The following NIBAN2 variants were observed in gnomAD, a reference collection of about 807,000 sequenced individuals.
The protein encoded by NIBAN2 is protein Niban 2.
NIBAN2 carries 36 observed loss-of-function variants against 81.8 expected under a neutral mutation model. The ratio of observed to expected loss-of-function variants is 0.44; its 90% CI spans 0.34 to 0.58. The LOEUF (loss-of-function observed/expected upper bound fraction) is 0.58, where lower values mean the gene tolerates loss of function less well. NIBAN2 is among the 20% of genes least tolerant of loss of function. The probability of loss-of-function intolerance (pLI) is 0.02; values close to 1 mark genes in which losing one functional copy is unlikely to be tolerated. For missense variants in NIBAN2, 897 were observed against 1,014.1 expected, an observed-to-expected ratio of 0.88 and a Z score of 1.57; for synonymous variants, 445 against 441.6, an observed-to-expected ratio of 1.01 and a Z score of -0.10.
In NIBAN2 at chr9:127,506,523, G is replaced by A. The variant is rs916002355; in HGVS notation, c.*322C>T. The stretch of plus-strand genomic sequence containing the variant: ...CTCCAGGAAGGATGGCAGCACCCAT[G>A]AGGGGATGGAGGCCACAGAAGGACA... On this transcript the variant is annotated 3_prime_UTR_variant, in exon 14 of 14. Coordinates refer to ENST00000373312, the MANE Select transcript of NIBAN2 (RefSeq NM_022833.4). The A allele has an allele frequency of 1.2e-5, 3 of 260,070 alleles. No individual in the cohort carries two copies. The highest frequency in any genetic ancestry group is 6.6e-5 in the African/African-American group (3 of 45,124). The allele number at this position is 260,070 out of a possible 1,614,324, so 16.1% of individuals were successfully genotyped here. A position where few individuals can be genotyped will look rare whatever the true frequency, so the allele number is the denominator to read the frequency against.
chr9:127,560,402 C>A (rs1837752556), intron 1 of NIBAN2, among the ~76,000 whole-genome samples: 1 of 152,098 alleles, frequency 6.6e-6, no homozygotes. Flanking sequence ...TCCTCCCATC[C>A]ACACTCACTC....
chr9:127,518,435 T>C (rs1442315586), intron 5 of NIBAN2, among the ~76,000 whole-genome samples: 1 of 152,180 alleles, frequency 6.6e-6, no homozygotes, highest in Non-Finnish European at 1.5e-5. Context: ...AAACTTTGCC[T>C]GGAACAGGCT....
In NIBAN2 at chr9:127,545,748, C is replaced by A. The variant is rs1214529757; in HGVS notation, c.56-13970G>T. On this transcript the variant is annotated intron_variant, in intron 1 of 13. Coordinates refer to ENST00000373312, the MANE Select transcript of NIBAN2 (RefSeq NM_022833.4). The surrounding 1 kb of genome is among the most constrained non-coding windows in gnomAD (Gnocchi z 4.7). The stretch of plus-strand genomic sequence containing the variant: ...GCCCAGAGAAATGCACCCAAAAAAA[C>A]GGGTGACCCAAAACCCGCCCACTGG... 6.6e-6 allele frequency among the ~76,000 whole-genome samples: 1 copy of A among 152,206 alleles called. No individual in the cohort carries two copies. The highest frequency in any genetic ancestry group is 2.4e-5 in the African/African-American group (1 of 41,450).
At chr9:127,512,964 AC>A (rs1180287426) in intron 8 of NIBAN2, among the ~76,000 whole-genome samples, 1 of 152,200 alleles carries the variant, frequency 6.6e-6, no homozygotes, top group African/African-American at 2.4e-5. Flanking sequence ...TTTGGAAGCA[AC>A]CTAAGTGTCC....
intron 1 of NIBAN2, among the ~76,000 whole-genome samples, chr9:127,535,321 T>C (rs1179674067): frequency 6.6e-6 from 1 of 152,186 alleles, no homozygotes; most frequent in African/African-American, 2.4e-5. Flanking sequence ...CCAGATATGG[T>C]GTCCAGGCAG....
chr9:127,560,549 C>T (rs1837755263), intron 1 of NIBAN2, among the ~76,000 whole-genome samples: 1 of 152,280 alleles, frequency 6.6e-6, no homozygotes, highest in South Asian at 2.1e-4. Context: ...TCCCAGCAGG[C>T]TGGCCCACCC....
In NIBAN2 at chr9:127,509,136, A is replaced by AGGGGCC. The variant is rs1564293791; in HGVS notation, c.1162-11_1162-6dup. On this transcript the variant is annotated splice_region_variant and splice_polypyrimidine_tract_variant and intron_variant, in intron 9 of 13. Coordinates refer to ENST00000373312, the MANE Select transcript of NIBAN2 (RefSeq NM_022833.4). ...CCGGGACAGCTTCTCCATGTACTGC[A>AGGGGCC]GGGGCCGGGGCCGCGGGGGCTGAGC... 1 of 1,608,700 alleles carries AGGGGCC rather than the reference A, an allele frequency of 6.2e-7. No homozygotes were observed. Among genetic ancestry groups the AGGGGCC allele is most frequent in the African/African-American group, 1.3e-5 (1 of 75,000 alleles).
At chr9:127,544,114 C>A (rs1330385452) in intron 1 of NIBAN2, among the ~76,000 whole-genome samples, 1 of 152,154 alleles carries the variant, frequency 6.6e-6, no homozygotes, top group Admixed American at 6.5e-5. Context: ...AGAGCTAGAA[C>A]CATTTGCTGA....
At chr9:127,521,698 C>G (rs1336104436) in intron 5 of NIBAN2, among the ~76,000 whole-genome samples, 2 of 152,194 alleles carry the variant, frequency 1.3e-5, no homozygotes, top group Non-Finnish European at 2.9e-5. Flanking sequence ...AGCTCCCGCC[C>G]TGGGGAGAAG....
At position 127,517,710 on chromosome 9, in the gene NIBAN2, T is replaced by C; in HGVS notation, c.705+116A>G. ...CACTTGTCCAAATCTAAGCATGTCA[T>C]CTCCTTCCAAACCGGCAGCGCCCCA... On this transcript the variant is annotated intron_variant, in intron 6 of 13. Transcript: ENST00000373312. The surrounding 1 kb of genome is among the most constrained non-coding windows in gnomAD (Gnocchi z 4.0). 2.8e-6 allele frequency: 2 copies of C among 721,042 alleles called. No individual in the cohort carries two copies. The highest frequency in any genetic ancestry group is 2.4e-6 in the Non-Finnish European group (1 of 414,264). 44.7% of individuals were successfully genotyped at this position (721,042 alleles called of 1,614,324 possible). A position where few individuals can be genotyped will look rare whatever the true frequency, so the allele number is the denominator to read the frequency against.
rs549591845 is a variant in NIBAN2 at position 127,558,961 on chromosome 9, TG to T, written c.55+9858del. Among the ~76,000 whole-genome samples the T allele has an allele frequency of 4.6e-3, 693 of 152,158 alleles. 5 individuals carry two copies. Among genetic ancestry groups the T allele is most frequent in the Middle Eastern group, 0.01 (3 of 294 alleles). On this transcript the variant is annotated intron_variant, in intron 1 of 13. Transcript: ENST00000373312. ...GCACCAATCCCATCTTAGCGACAAC[TG>T]GACCTCCAAGGAGGAGAGCTGTGTG...
At position 127,545,236 on chromosome 9, in the gene NIBAN2, C is replaced by T. The variant is rs1837449850; in HGVS notation, c.56-13458G>A. 6.6e-6 allele frequency among the ~76,000 whole-genome samples: 1 copy of T among 152,156 alleles called. No homozygotes were observed. Among genetic ancestry groups the T allele is most frequent in the South Asian group, 2.1e-4 (1 of 4,830 alleles). ...AGGCTCAAGTGCCACCTCCTCGGAACCCTCCCTCCAGACAAGTCCCGGCCT... is the reference window on the plus strand; with the variant it reads ...AGGCTCAAGTGCCACCTCCTCGGAATCCTCCCTCCAGACAAGTCCCGGCCT... On this transcript the variant is annotated intron_variant, in intron 1 of 13. Transcript: ENST00000373312. The surrounding 1 kb of genome is among the most constrained non-coding windows in gnomAD (Gnocchi z 4.7).
chr9:127,569,344 C>G (rs1459607368), upstream of NIBAN2, among the ~76,000 whole-genome samples: 3 of 151,522 alleles, frequency 2.0e-5, no homozygotes, highest in Non-Finnish European at 2.9e-5. Flanking sequence ...GAGAAGGAGA[C>G]AAAGAGAAGG....
chr9:127,535,582 T>C (rs537275582), intron 1 of NIBAN2, among the ~76,000 whole-genome samples: 67 of 152,160 alleles, frequency 4.4e-4, no homozygotes, highest in African/African-American at 1.6e-3. Context: ...ACCAGCGCAG[T>C]GCTGCCCACA....
Position 127,507,988 on chromosome 9 carries a change from T to A in NIBAN2, c.1543-10A>T, listed in dbSNP as rs981839202. ...GGAACCGGGGCAGCTCCTGCCCGGG[T>A]GGGGCGGCAGAGATGAGAGGTCAGG... On this transcript the variant is annotated splice_polypyrimidine_tract_variant and intron_variant, in intron 12 of 13. Coordinates refer to ENST00000373312, the MANE Select transcript of NIBAN2 (RefSeq NM_022833.4). This position sits in a 1 kb window ranked among gnomAD's most constrained non-coding sequence, Gnocchi z 6.8. The A allele has an allele frequency of 6.2e-7, 1 of 1,613,728 alleles. No homozygotes were observed. The highest frequency in any genetic ancestry group is 8.5e-7 in the Non-Finnish European group (1 of 1,179,860).
rs965029150 is a variant in NIBAN2, at chr9:127,536,846, C to G, written c.56-5068G>C. 3.3e-5 allele frequency among the ~76,000 whole-genome samples: 5 copies of G among 152,224 alleles called. No individual in the cohort carries two copies. Among genetic ancestry groups the G allele is most frequent in the Admixed American group, 1.3e-4 (2 of 15,288 alleles). On this transcript the variant is annotated intron_variant, in intron 1 of 13. Transcript: ENST00000373312. The surrounding 1 kb of genome is among the most constrained non-coding windows in gnomAD (Gnocchi z 4.0). ...GGGCCCCACAGGCCCCCTACCTCCCCTTAGAGGGCAGAGAGGAAACTGGCT... is the reference window on the plus strand; with the variant it reads ...GGGCCCCACAGGCCCCCTACCTCCCGTTAGAGGGCAGAGAGGAAACTGGCT...
At chr9:127,574,031 A>T (rs774307035), upstream of NIBAN2, among the ~76,000 whole-genome samples, 1 of 152,006 alleles carries the variant, frequency 6.6e-6, no homozygotes, top group Admixed American at 6.6e-5. Context: ...TTTCTTATTG[A>T]TTTGTAAGAG....
intron 8 of NIBAN2, among the ~76,000 whole-genome samples, chr9:127,511,835 C>A (rs1836741148): frequency 6.6e-6 from 1 of 152,080 alleles, no homozygotes; most frequent in African/African-American, 2.4e-5. Context: ...CCAAAACAGG[C>A]ATATGAAAAG....
chr9:127,561,175 C>T (rs185777510), intron 1 of NIBAN2: 21 of 985,456 alleles, frequency 2.1e-5, no homozygotes, highest in African/African-American at 7.0e-5. Context: ...CCCATCCCAC[C>T]GTCCTCCAGG....
Sources: allele counts gnomAD v4.1 joint callset (sites outside exome capture counted in the v4.1 genomes callset), GRCh38; gene constraint gnomAD v4.1.1; non-coding constraint Gnocchi (gnomAD v3.1); transcripts MANE v1.5; gene names NCBI Gene and HGNC (gene_info 2026-07-23, HGNC 2026-07-21).